TMEM232: variants seen among roughly 807,000 people sequenced by gnomAD.
TMEM232 encodes the protein transmembrane protein 232.
In TMEM232, 80 loss-of-function variants were observed where a neutral mutation model predicts 78.8. The observed-to-expected ratio is 1.01, with a 90% CI of 0.85 to 1.22. The LOEUF is 1.22. Among genes scored for constraint, TMEM232 ranks in the 50% most tolerant of loss-of-function variants. TMEM232 has a pLI of 0.00. For synonymous variants in TMEM232, 297 were observed against 254.3 expected (o/e 1.17, Z -1.60); for missense variants, 881 against 742.2 (o/e 1.19, Z -2.17).
At chr5:110,683,758 T>C (rs1793050898) in intron 1 of TMEM232, among the ~76,000 whole-genome samples, 1 of 151,860 alleles carries the variant, frequency 6.6e-6, no homozygotes, top group African/African-American at 2.4e-5. Context: ...GGGTACTTAT[T>C]GGGAAATATT....
chr5:110,610,256 G>GAGGAAGGA lies in TMEM232; in HGVS notation c.903-3970_903-3969insTCCTTCCT, dbSNP rs1554057559. 2.8e-3 allele frequency among the ~76,000 whole-genome samples: 327 copies of GAGGAAGGA among 117,318 alleles called. 14 individuals are homozygous for GAGGAAGGA. The highest frequency in any genetic ancestry group is 1.0e-2 in the African/African-American group (309 of 31,054). The allele number at this position is 117,318 out of a possible 152,430, so 77.0% of individuals were successfully genotyped here. Reference sequence around the variant, plus strand: ...AAAGAAAGGAAGGAAGGGAGGAAGGGAGGAAGGGAGGAAGGTGGGTGGGTG... The same window carrying GAGGAAGGA: ...AAAGAAAGGAAGGAAGGGAGGAAGGGAGGAAGGAAGGAAGGGAGGAAGGTGGGTGGGTG... On this transcript the variant is annotated intron_variant, in intron 8 of 13. Transcript: ENST00000455884.
chr5:110,679,884 T>G (rs1792501344), intron 1 of TMEM232, among the ~76,000 whole-genome samples: 1 of 152,192 alleles, frequency 6.6e-6, no homozygotes, highest in Admixed American at 6.5e-5. Flanking sequence ...TCTTTTTATT[T>G]TTCATTTCAT....
chr5:110,459,045 T>C (rs1363995538), intron 12 of TMEM232, among the ~76,000 whole-genome samples: 1 of 152,210 alleles, frequency 6.6e-6, no homozygotes, highest in Non-Finnish European at 1.5e-5. Flanking sequence ...CAGGCATCTT[T>C]CAGGAGATAA....
intron 12 of TMEM232, among the ~76,000 whole-genome samples, chr5:110,441,565 T>C (rs1401085372): frequency 6.6e-6 from 1 of 152,194 alleles, no homozygotes; most frequent in Admixed American, 6.5e-5. Flanking sequence ...AAGGACTTGC[T>C]TCTAACCTAA....
intron 12 of TMEM232, among the ~76,000 whole-genome samples, chr5:110,472,144 A>G (rs903435168): frequency 6.6e-6 from 1 of 151,960 alleles, no homozygotes; most frequent in African/African-American, 2.4e-5. Context: ...CTTATATAGA[A>G]AAGCCAAAGA....
chr5:110,653,310 C>T (rs979298959), intron 2 of TMEM232, among the ~76,000 whole-genome samples: 1 of 152,186 alleles, frequency 6.6e-6, no homozygotes, highest in Admixed American at 6.5e-5. Context: ...CTATAATTTT[C>T]CATCTGTAGA....
intron 12 of TMEM232, among the ~76,000 whole-genome samples, chr5:110,527,772 T>G (rs1031752166): frequency 3.9e-5 from 6 of 151,966 alleles, no homozygotes; most frequent in Admixed American, 1.3e-4. Flanking sequence ...AAAAAATGAA[T>G]TATTAAAAAT....
intron 2 of TMEM232, among the ~76,000 whole-genome samples, chr5:110,734,580 C>T (rs1580832095): frequency 6.6e-6 from 1 of 152,238 alleles, no homozygotes; most frequent in South Asian, 2.1e-4. Flanking sequence ...ATGCTATAGC[C>T]TATCAAGTAG....
At position 110,615,632 on chromosome 5, in the gene TMEM232, G is replaced by C. The variant is rs144750114; in HGVS notation, c.902+2797C>G. The stretch of plus-strand genomic sequence containing the variant: ...AACATAATACTAAAAGGCCTAGCCA[G>C]AGCAATTAGGCAAGAAAAAGAAAAA... On this transcript the variant is annotated intron_variant, in intron 8 of 13. Coordinates refer to ENST00000455884, the MANE Select transcript of TMEM232 (RefSeq NM_001039763.4). Among the ~76,000 whole-genome samples the C allele has an allele frequency of 6.5e-3, 995 of 151,964 alleles. 16 individuals carry two copies. Among genetic ancestry groups the C allele is most frequent in the African/African-American group, 0.023 (968 of 41,498 alleles).
intron 12 of TMEM232, among the ~76,000 whole-genome samples, chr5:110,485,428 T>C (rs1166355612): frequency 2.6e-5 from 4 of 152,122 alleles, no homozygotes; most frequent in Non-Finnish European, 5.9e-5. Context: ...GCACCGTATT[T>C]GTAGTCTTTT....
chr5:110,555,897 G>T (rs1260361007), intron 11 of TMEM232, among the ~76,000 whole-genome samples: 2 of 152,114 alleles, frequency 1.3e-5, no homozygotes, highest in East Asian at 3.9e-4. Flanking sequence ...CCTTGCACGT[G>T]AGATCGGTCT....
chr5:110,502,959 T>A (rs1463972765), intron 12 of TMEM232, among the ~76,000 whole-genome samples: 1 of 152,216 alleles, frequency 6.6e-6, no homozygotes, highest in Non-Finnish European at 1.5e-5. Flanking sequence ...CTTAAAACAA[T>A]CTGTAATTAC....
intron 11 of TMEM232, among the ~76,000 whole-genome samples, chr5:110,542,174 G>A (rs1773218743): frequency 6.6e-6 from 1 of 152,126 alleles, no homozygotes; most frequent in Non-Finnish European, 1.5e-5. Context: ...CAAAAGATAA[G>A]TAAATGCCCA....
In TMEM232 at chr5:110,638,341, G is replaced by C. The variant is rs761687573; in HGVS notation, c.358C>G (p.Leu120Val). The change falls in exon 5 of 14, where the codon CTT (leucine) becomes GTT (valine). Residue 120 changes from leucine (L) to valine (V), a missense_variant. Transcript: ENST00000455884. ...GAAGCATGGTCCAGAGATGCATAAAGCATATTTAAAGATTCTGAAATATTA... is the reference window on the plus strand; with the variant it reads ...GAAGCATGGTCCAGAGATGCATAAACCATATTTAAAGATTCTGAAATATTA... ...GEIQDESLNM[L>V]YASLDHASFD... 1 of 1,535,922 alleles carries C rather than the reference G, an allele frequency of 6.5e-7. No individual in the cohort carries two copies. The highest frequency in any genetic ancestry group is 8.8e-7 in the Non-Finnish European group (1 of 1,142,462).
At chr5:110,579,379 T>C (rs577597701) in intron 10 of TMEM232, among the ~76,000 whole-genome samples, 74 of 151,696 alleles carry the variant, frequency 4.9e-4, no homozygotes, top group Non-Finnish European at 5.8e-4. Flanking sequence ...AAAGGGATGC[T>C]AAACTACAAT....
chr5:110,664,896 T>C (rs945940802), intron 2 of TMEM232, among the ~76,000 whole-genome samples: 3 of 152,238 alleles, frequency 2.0e-5, no homozygotes, highest in Non-Finnish European at 2.9e-5. Flanking sequence ...AATTTCACTT[T>C]GTTAACTCCA....
At chr5:110,652,489 T>C (rs879618647) in intron 2 of TMEM232, among the ~76,000 whole-genome samples, 9 of 152,208 alleles carry the variant, frequency 5.9e-5, no homozygotes, top group Non-Finnish European at 1.2e-4. Flanking sequence ...TCAAACTACA[T>C]TGTATAATAA....
At chr5:110,691,922 T>C (rs922757858) in intron 1 of TMEM232, among the ~76,000 whole-genome samples, 1 of 152,126 alleles carries the variant, frequency 6.6e-6, no homozygotes, top group African/African-American at 2.4e-5. Context: ...ATTCTTTTGT[T>C]TGTTTTTTGT....
chr5:110,634,043 A>G (rs141569556), intron 5 of TMEM232, among the ~76,000 whole-genome samples: 1,527 of 152,274 alleles, frequency 0.01, 34 homozygotes, highest in African/African-American at 0.034. Flanking sequence ...AGTAGGAGTA[A>G]CTATCCTTCT....
Sources: allele counts gnomAD v4.1 joint callset (sites outside exome capture counted in the v4.1 genomes callset), GRCh38; gene constraint gnomAD v4.1.1; transcripts MANE v1.5; gene names NCBI Gene and HGNC (gene_info 2026-07-23, HGNC 2026-07-21).